The following AFF3 variants were observed in gnomAD, a reference collection of about 807,000 sequenced individuals.
AFF3 encodes AF4/FMR2 family member 3.
AFF3 carries 32 observed loss-of-function variants against 129.7 expected under a neutral mutation model. The observed-to-expected ratio is 0.25, with a 90% CI of 0.19 to 0.33. The LOEUF (loss-of-function observed/expected upper bound fraction) is 0.33, where lower values mean the gene tolerates loss of function less well. Among genes scored for constraint, AFF3 ranks in the 10% least tolerant of loss-of-function variants. The pLI is 1.00. For synonymous variants in AFF3, 644 were observed against 635.4 expected (o/e 1.01, Z -0.20); for missense variants, 1,373 against 1,592.0 (o/e 0.86, Z 2.34).
chr2:99,905,664 C>A (rs1031340979), intron 7 of AFF3, among the ~76,000 whole-genome samples: 4 of 152,138 alleles, frequency 2.6e-5, no homozygotes, highest in African/African-American at 9.7e-5. Flanking sequence ...AACAGATATT[C>A]ATGAGTTTAA....
chr2:99,789,378 T>A (rs1158321417), intron 8 of AFF3, among the ~76,000 whole-genome samples: 1 of 147,490 alleles, frequency 6.8e-6, no homozygotes, highest in African/African-American at 2.5e-5. Flanking sequence ...AGTTCAAGAG[T>A]TCGAGGCTGC....
At chr2:100,077,298 A>G (rs35742951) in intron 4 of AFF3, among the ~76,000 whole-genome samples, 19,616 of 152,208 alleles carry the variant, frequency 0.13, 1,619 homozygotes, top group South Asian at 0.2. Context: ...ATCAGGCCCA[A>G]GGTAGTCGCT....
intron 7 of AFF3, among the ~76,000 whole-genome samples, chr2:99,846,196 C>T (rs1051844744): frequency 1.3e-5 from 2 of 151,948 alleles, no homozygotes; most frequent in African/African-American, 4.8e-5. Flanking sequence ...ACGGGGTGAT[C>T]TTGGCTCACT....
chr2:99,861,782 A>G (rs535850230), intron 7 of AFF3, among the ~76,000 whole-genome samples: 2 of 152,336 alleles, frequency 1.3e-5, no homozygotes, highest in East Asian at 3.9e-4. Flanking sequence ...GTCCAGAGCC[A>G]CTGTGCTCTT....
At chr2:100,022,559 C>T (rs776676254) in intron 4 of AFF3, among the ~76,000 whole-genome samples, 8 of 151,948 alleles carry the variant, frequency 5.3e-5, no homozygotes, top group African/African-American at 9.7e-5. Context: ...TACAGGCATG[C>T]GCCACCATGC....
At chr2:99,883,066 GT>G (rs1692839526) in intron 7 of AFF3, among the ~76,000 whole-genome samples, 1 of 152,216 alleles carries the variant, frequency 6.6e-6, no homozygotes, top group African/African-American at 2.4e-5. Flanking sequence ...TTCATCCACA[GT>G]TTAGGAAGAG....
chr2:99,892,143 G>C (rs984598190), intron 7 of AFF3, among the ~76,000 whole-genome samples: 1 of 151,854 alleles, frequency 6.6e-6, no homozygotes, highest in Non-Finnish European at 1.5e-5. Flanking sequence ...GCTTTTGAAG[G>C]TCTCGCACAA....
chr2:99,888,412 A>T (rs763515091), intron 7 of AFF3, among the ~76,000 whole-genome samples: 4 of 152,256 alleles, frequency 2.6e-5, no homozygotes, highest in Non-Finnish European at 5.9e-5. Context: ...CTGCACCACT[A>T]GAAACTACAT....
intron 5 of AFF3, among the ~76,000 whole-genome samples, chr2:100,008,346 T>G (rs943626456): frequency 6.6e-6 from 1 of 152,202 alleles, no homozygotes; most frequent in African/African-American, 2.4e-5. Flanking sequence ...AAGGTTATAT[T>G]TCTGGCCTTT....
intron 4 of AFF3, among the ~76,000 whole-genome samples, chr2:100,022,703 C>T (rs141654579): frequency 1.2e-4 from 19 of 152,174 alleles, no homozygotes; most frequent in African/African-American, 4.3e-4. Context: ...TGAGCCACTG[C>T]GCCTGGCCCT....
intron 15 of AFF3, among the ~76,000 whole-genome samples, chr2:99,592,071 A>T (rs7575682): frequency 0.77 from 117,146 of 152,170 alleles, 45,390 homozygotes; most frequent in African/African-American, 0.87. Context: ...TATTTTTCAC[A>T]GTGATAAAAA....
intron 7 of AFF3, among the ~76,000 whole-genome samples, chr2:99,848,515 A>G (rs10865034): frequency 0.79 from 119,466 of 152,034 alleles, 47,722 homozygotes; most frequent in South Asian, 0.93. Context: ...TTGATCATAA[A>G]GCAAATTTCT....
At chr2:99,938,432 C>CGATGATGATGAT (rs111878756) in intron 7 of AFF3, among the ~76,000 whole-genome samples, 1 of 151,290 alleles carries the variant, frequency 6.6e-6, no homozygotes, top group African/African-American at 2.4e-5. Context: ...GACACACAGT[C>CGATGATGATGAT]GATGATGATG....
chr2:100,111,256 CATTGCCGTGT>C (rs1465572446), intron 2 of AFF3, among the ~76,000 whole-genome samples: 1 of 152,276 alleles, frequency 6.6e-6, no homozygotes, highest in Non-Finnish European at 1.5e-5. Context: ...GTGCCCCGCA[CATTGCCGTGT>C]ATAGTCAGGA....
At chr2:99,660,784 C>T (rs1318062238) in intron 12 of AFF3, among the ~76,000 whole-genome samples, 1 of 152,172 alleles carries the variant, frequency 6.6e-6, no homozygotes, top group African/African-American at 2.4e-5. Context: ...TGGTCTGCTT[C>T]TTAAACATGG....
Position 99,728,318 on chromosome 2 carries a change from T to C in AFF3, c.1040-1190A>G, listed in dbSNP as rs528581297. ...AGAGAAGGCTGTGAGTTGCAAGAAA[T>C]AGGACTGTGGTAGTAACTTGGTTTG... On this transcript the variant is annotated intron_variant, in intron 10 of 24. Transcript: ENST00000672756. Among the ~76,000 whole-genome samples, 13 of 152,224 alleles carry C rather than the reference T, an allele frequency of 8.5e-5. No individual in the cohort carries two copies. The South Asian group carries it at 2.5e-3, about 29-fold the overall frequency.
chr2:99,908,539 A>G (rs994848240), intron 7 of AFF3, among the ~76,000 whole-genome samples: 1 of 152,232 alleles, frequency 6.6e-6, no homozygotes, highest in Non-Finnish European at 1.5e-5. Flanking sequence ...GTGAACAGGC[A>G]ACCTACAGAA....
At chr2:100,045,090 G>A (rs1269370460) in intron 4 of AFF3, among the ~76,000 whole-genome samples, 1 of 152,092 alleles carries the variant, frequency 6.6e-6, no homozygotes, top group Non-Finnish European at 1.5e-5. Context: ...ATGAAACTCA[G>A]GGCTGTGGCT....
At chr2:100,004,145 A>G (rs180930371) in intron 7 of AFF3, among the ~76,000 whole-genome samples, 5 of 152,218 alleles carry the variant, frequency 3.3e-5, no homozygotes, top group South Asian at 2.1e-4. Context: ...TCACACTGTG[A>G]TAAGTCTTGC....
Sources: gnomAD v4.1 joint callset for allele counts (sites outside exome capture counted in the v4.1 genomes callset) on GRCh38, gnomAD v4.1.1 for gene constraint, MANE v1.5 for transcripts, NCBI Gene and HGNC (gene_info 2026-07-23, HGNC 2026-07-21) for gene names.